The following SEZ6L variants were observed in gnomAD, a reference collection of about 807,000 sequenced individuals.
SEZ6L encodes seizure 6-like protein.
In SEZ6L, 37 loss-of-function variants were observed where a neutral mutation model predicts 106.2. The observed-to-expected ratio is 0.35, with a 90% CI of 0.27 to 0.46. The LOEUF is 0.46. Among genes scored for constraint, SEZ6L ranks in the 20% least tolerant of loss-of-function variants. SEZ6L has a pLI of 1.00. For missense variants in SEZ6L, 1,172 were observed against 1,332.8 expected, an observed-to-expected ratio of 0.88 and a Z score of 1.88; for synonymous variants, 541 against 570.4, an observed-to-expected ratio of 0.95 and a Z score of 0.73.
At chr22:26,211,824 A>AG (rs1481121070) in intron 1 of SEZ6L, among the ~76,000 whole-genome samples, 1 of 149,564 alleles carries the variant, frequency 6.7e-6, no homozygotes, top group Non-Finnish European at 1.5e-5. Context: ...AAAAAAAAAA[A>AG]AAAAATTTAA....
chr22:26,350,194 G>GTATATATATATATACACATATATATA (rs1556373473), intron 11 of SEZ6L, among the ~76,000 whole-genome samples: 5 of 138,736 alleles, frequency 3.6e-5, no homozygotes, highest in Non-Finnish European at 7.6e-5. Flanking sequence ...GTGTGTGTGT[G>GTATATATATATATACACATATATATA]TATATATATA....
chr22:26,375,720 A>AT (rs1483977169), intron 15 of SEZ6L, 31 bp downstream of exon 15: 1 of 1,549,278 alleles, frequency 6.5e-7, no homozygotes, highest in African/African-American at 1.4e-5. Flanking sequence ...ATGACTGCCA[A>AT]GCACCCAGCC....
chr22:26,209,466 TATGGATGG>T (rs71192906), intron 1 of SEZ6L, among the ~76,000 whole-genome samples: 28,681 of 148,410 alleles, frequency 0.19, 3,174 homozygotes, highest in East Asian at 0.33. Flanking sequence ...AGGAAGGATA[TATGGATGG>T]ATGGATGGAT....
At chr22:26,304,751 T>C (rs1248721607) in intron 5 of SEZ6L, among the ~76,000 whole-genome samples, 16 of 152,246 alleles carry the variant, frequency 1.1e-4, no homozygotes, top group Admixed American at 1.0e-3. Flanking sequence ...CACACTATTT[T>C]CTAACTTGCT....
At chr22:26,340,275 T>G (rs1214252657) in intron 9 of SEZ6L, among the ~76,000 whole-genome samples, 161 bp from the exon 10 acceptor site, 1 of 152,150 alleles carries the variant, frequency 6.6e-6, no homozygotes, top group Non-Finnish European at 1.5e-5. Flanking sequence ...ACATTTGCAG[T>G]CTATGTCAAT....
chr22:26,182,764 C>T (rs772560134), intron 1 of SEZ6L, among the ~76,000 whole-genome samples: 13 of 151,828 alleles, frequency 8.6e-5, no homozygotes, highest in Non-Finnish European at 1.6e-4. Context: ...GTTATTATCT[C>T]ATTTGATAAA....
intron 1 of SEZ6L, among the ~76,000 whole-genome samples, chr22:26,213,520 A>C (rs753975598): frequency 6.6e-6 from 1 of 152,264 alleles, no homozygotes; most frequent in Non-Finnish European, 1.5e-5. Context: ...CCCAAAATGC[A>C]GTTCATTCAC....
chr22:26,243,753 G>A (rs558993915), intron 1 of SEZ6L, among the ~76,000 whole-genome samples: 1 of 152,088 alleles, frequency 6.6e-6, no homozygotes, highest in African/African-American at 2.4e-5. Flanking sequence ...AGAGGAGGAG[G>A]ACAGAGCTCT....
At chr22:26,344,767 C>T (rs1290651033) in intron 10 of SEZ6L, among the ~76,000 whole-genome samples, 1 of 152,194 alleles carries the variant, frequency 6.6e-6, no homozygotes, top group Non-Finnish European at 1.5e-5. Flanking sequence ...CACACAACAT[C>T]GTCATATCCT....
chr22:26,306,269 G>A, intron 6 of SEZ6L, 125 bp downstream of exon 6: 1 of 1,069,994 alleles, frequency 9.3e-7, no homozygotes, highest in South Asian at 1.6e-5. Flanking sequence ...GAAGAGCTGG[G>A]GTGGATGGCA....
intron 1 of SEZ6L, among the ~76,000 whole-genome samples, chr22:26,226,816 T>C (rs1221449410): frequency 6.6e-6 from 1 of 152,192 alleles, no homozygotes; most frequent in African/African-American, 2.4e-5. Flanking sequence ...GAGAGCAGAC[T>C]CAACTTGGAT....
intron 1 of SEZ6L, among the ~76,000 whole-genome samples, chr22:26,174,461 T>TC (rs1187661531): frequency 3.9e-5 from 6 of 152,172 alleles, no homozygotes; most frequent in African/African-American, 1.4e-4. Context: ...CTCCCTGCTC[T>TC]CCCCTGAACT....
intron 1 of SEZ6L, among the ~76,000 whole-genome samples, chr22:26,290,017 C>T (rs533090323): frequency 1.3e-5 from 2 of 152,196 alleles, no homozygotes; most frequent in South Asian, 2.1e-4. Flanking sequence ...GCACTCACTA[C>T]GGGTGAGGCG....
chr22:26,188,797 G>A (rs1470625227), intron 1 of SEZ6L, among the ~76,000 whole-genome samples: 2 of 152,126 alleles, frequency 1.3e-5, no homozygotes, highest in East Asian at 1.9e-4. Context: ...CTCTTAACCC[G>A]GGAGATTATG....
At chr22:26,360,892 AC>A (rs1421727786) in intron 12 of SEZ6L, among the ~76,000 whole-genome samples, 2 of 151,916 alleles carry the variant, frequency 1.3e-5, no homozygotes, top group African/African-American at 4.8e-5. Flanking sequence ...TGAAAAAAAA[AC>A]AAAAAACAAA....
rs748780975 is a variant in SEZ6L, at chr22:26,365,547, G to A, written c.2775G>A (p.Gly925=). The change falls in exon 13 of 17, where the codon GGG becomes GGA. Residue 925 remains glycine, a synonymous_variant. Coordinates refer to ENST00000248933, the MANE Select transcript of SEZ6L (RefSeq NM_021115.5). The part of the protein sequence containing the change: ...CILGQPSHWN[G]PLPVCKVNQD... Reference sequence around the variant, plus strand: ...TGGGACAGCCATCCCACTGGAACGGGCCCCTGCCCGTGTGTAAAGGTAAAG... The same window carrying A: ...TGGGACAGCCATCCCACTGGAACGGACCCCTGCCCGTGTGTAAAGGTAAAG... The A allele has an allele frequency of 1.2e-6, 2 of 1,613,740 alleles. No homozygotes were observed. Among genetic ancestry groups the A allele is most frequent in the South Asian group, 1.1e-5 (1 of 91,076 alleles).
At chr22:26,340,713 G>C (rs1179815273) in intron 10 of SEZ6L, 81 bp downstream of exon 10, 9 of 1,156,926 alleles carry the variant, frequency 7.8e-6, no homozygotes, top group Non-Finnish European at 1.1e-5. Context: ...TTATTTGGCA[G>C]TTTTGTACTA....
chr22:26,309,736 A>G (rs1367732343), intron 6 of SEZ6L, among the ~76,000 whole-genome samples: 1 of 151,930 alleles, frequency 6.6e-6, no homozygotes, highest in Admixed American at 6.6e-5. Flanking sequence ...GCGCCACCAT[A>G]TCTGTCTGAT....
intron 1 of SEZ6L, among the ~76,000 whole-genome samples, chr22:26,265,333 A>G (rs1164495128): frequency 6.6e-6 from 1 of 152,238 alleles, no homozygotes; most frequent in Non-Finnish European, 1.5e-5. Flanking sequence ...TTGTGTGAAC[A>G]GAACCTCCCG....
Sources: gnomAD v4.1 joint callset for allele counts (sites outside exome capture counted in the v4.1 genomes callset) on GRCh38, gnomAD v4.1.1 for gene constraint, MANE v1.5 for transcripts, NCBI Gene and HGNC (gene_info 2026-07-23, HGNC 2026-07-21) for gene names.